Variants in NECTIN2 observed in about 807,000 individuals in gnomAD.
NECTIN2 encodes the protein nectin-2.
Under a neutral mutation model 56.9 loss-of-function variants are expected in NECTIN2, and 23 were observed. The ratio of observed to expected loss-of-function variants is 0.40; its 90% CI spans 0.29 to 0.57. The LOEUF (loss-of-function observed/expected upper bound fraction) is 0.57, where lower values mean the gene tolerates loss of function less well. Among genes scored for constraint, NECTIN2 ranks in the 20% least tolerant of loss-of-function variants. The pLI, the probability that NECTIN2 is intolerant of heterozygous loss-of-function variation, is 0.38. For synonymous variants in NECTIN2, 302 were observed against 313.8 expected, an observed-to-expected ratio of 0.96 and a Z score of 0.40; for missense variants, 587 against 718.3, an observed-to-expected ratio of 0.82 and a Z score of 2.09.
intron 6 of NECTIN2, among the ~76,000 whole-genome samples, chr19:44,882,796 T>G (rs974474388): frequency 5.9e-5 from 9 of 151,326 alleles, no homozygotes; most frequent in African/African-American, 1.9e-4. Flanking sequence ...TTTTTTTTTT[T>G]TTTGTGACGG....
At chr19:44,846,860 C>T (rs2122615589) in intron 1 of NECTIN2, among the ~76,000 whole-genome samples, 1 of 152,038 alleles carries the variant, frequency 6.6e-6, no homozygotes, top group East Asian at 1.9e-4. Flanking sequence ...ATTGCCCATC[C>T]TACGCCTGCT....
rs1416176215 is a variant in NECTIN2 at position 44,888,544 on chromosome 19, G to C, written c.*165G>C. ...CTCCACTATGACCCCTAACCCATGA[G>C]CCCAGAGAAATTCACCGTGATAATG... is the stretch of plus-strand genomic sequence containing the variant. On this transcript the variant is annotated 3_prime_UTR_variant, in exon 9 of 9. Transcript: ENST00000252483. The C allele has an allele frequency of 1.4e-6, 1 of 727,190 alleles. No individual in the cohort carries two copies. The highest frequency in any genetic ancestry group is 2.2e-6 in the Non-Finnish European group (1 of 451,184). The allele number at this position is 727,190 out of a possible 1,614,324, so 45.0% of individuals were successfully genotyped here.
rs780125442 is a variant in NECTIN2, at chr19:44,875,914, C to A, written c.1042+1436C>A. 2.0e-5 allele frequency among the ~76,000 whole-genome samples: 3 copies of A among 152,142 alleles called. No homozygotes were observed. The highest frequency in any genetic ancestry group is 2.9e-5 in the Non-Finnish European group (2 of 68,038). ...TGTCCCGCTCTGGGCTCGCCTGGCGCGTGAGGATGCACATAAGTCCCCGGA... is the reference window on the plus strand; with the variant it reads ...TGTCCCGCTCTGGGCTCGCCTGGCGAGTGAGGATGCACATAAGTCCCCGGA... On this transcript the variant is annotated intron_variant, in intron 5 of 8. Transcript: ENST00000252483. The surrounding 1 kb of genome is among the most constrained non-coding windows in gnomAD (Gnocchi z 4.2).
intron 7 of NECTIN2, 30 bp downstream of exon 7, chr19:44,886,030 C>T: frequency 1.9e-6 from 3 of 1,583,208 alleles, no homozygotes; most frequent in South Asian, 2.2e-5. Flanking sequence ...CCCAAGCTAT[C>T]CCCACCTCCA....
intron 6 of NECTIN2, among the ~76,000 whole-genome samples, chr19:44,883,538 G>A (rs566906530): frequency 2.0e-5 from 3 of 152,198 alleles, no homozygotes; most frequent in Admixed American, 6.5e-5. Context: ...GCCTCCCAAA[G>A]TGCTAAGATC....
At position 44,865,189 on chromosome 19, in the gene NECTIN2, G is replaced by T; in HGVS notation, c.89-82G>T. 7.0e-7 allele frequency: 1 copy of T among 1,430,364 alleles called. No homozygotes were observed. The highest frequency in any genetic ancestry group is 9.4e-7 in the Non-Finnish European group (1 of 1,059,670). 88.6% of individuals were successfully genotyped at this position (1,430,364 alleles called of 1,614,324 possible). On this transcript the variant is annotated intron_variant, in intron 1 of 8. Coordinates refer to ENST00000252483, the MANE Select transcript of NECTIN2 (RefSeq NM_001042724.2). The surrounding 1 kb of genome is among the most constrained non-coding windows in gnomAD (Gnocchi z 5.2). ...ATGCGGAGCCTGCATTTCCCGTGGG[G>T]CCCCCTTCGTGGTGGCCCTGCCTGG...
rs73556120 is a variant in NECTIN2, at chr19:44,875,100, C to T, written c.1042+622C>T. Among the ~76,000 whole-genome samples the T allele has an allele frequency of 0.013, 1,937 of 152,254 alleles. 41 individuals carry two copies. Among genetic ancestry groups the T allele is most frequent in the African/African-American group, 0.044 (1,809 of 41,532 alleles). On this transcript the variant is annotated intron_variant, in intron 5 of 8. Coordinates refer to ENST00000252483, the MANE Select transcript of NECTIN2 (RefSeq NM_001042724.2). This position sits in a 1 kb window ranked among gnomAD's most constrained non-coding sequence, Gnocchi z 4.2. Reference sequence around the variant, plus strand: ...GGCAGGATCCACAGCCACAGACACTCCCTGTGCTGAGAAATTCTGTTGCAG... The same window carrying T: ...GGCAGGATCCACAGCCACAGACACTTCCTGTGCTGAGAAATTCTGTTGCAG...
In NECTIN2 at chr19:44,873,955, GGTACCTCGGCC is replaced by G; in HGVS notation, c.820_830del (p.Leu274Ter). On this transcript the variant is annotated frameshift_variant, in exon 4 of 9. Coordinates refer to ENST00000252483, the MANE Select transcript of NECTIN2 (RefSeq NM_001042724.2). LOFTEE classifies it high-confidence loss of function. ...TCCATCTCCGGCTATGATGACAACT[GGTACCTCGGCC>G]GTACTGATGCCACCCTGAGCTGTGA... The G allele has an allele frequency of 6.2e-7, 1 of 1,614,106 alleles. No homozygotes were observed. The highest frequency in any genetic ancestry group is 8.5e-7 in the Non-Finnish European group (1 of 1,180,006).
At chr19:44,887,065 T>C (rs1969369350) in intron 8 of NECTIN2, among the ~76,000 whole-genome samples, 2 of 150,436 alleles carry the variant, frequency 1.3e-5, no homozygotes. Flanking sequence ...AAATTGATTA[T>C]CTGGTCAGGC....
chr19:44,880,612 T>G (rs1211189061), intron 5 of NECTIN2, among the ~76,000 whole-genome samples: 1 of 148,840 alleles, frequency 6.7e-6, no homozygotes, highest in Non-Finnish European at 1.5e-5. Context: ...CTCAGCCTCT[T>G]GAGTAACGCA....
intron 1 of NECTIN2, among the ~76,000 whole-genome samples, chr19:44,855,404 G>A (rs1195701098): frequency 4.0e-5 from 6 of 151,858 alleles, no homozygotes; most frequent in Admixed American, 6.6e-5. Flanking sequence ...CAGCCTGGGC[G>A]AAAGAGTGAG....
Position 44,865,717 on chromosome 19 carries a change from C to G in NECTIN2, c.478+57C>G. The G allele has an allele frequency of 3.5e-6, 5 of 1,445,910 alleles. No homozygotes were observed. Among genetic ancestry groups the G allele is most frequent in the Non-Finnish European group, 4.6e-6 (5 of 1,097,074 alleles). The allele number at this position is 1,445,910 out of a possible 1,614,324, so 89.6% of individuals were successfully genotyped here. On this transcript the variant is annotated intron_variant, in intron 2 of 8. Transcript: ENST00000252483. The surrounding 1 kb of genome is among the most constrained non-coding windows in gnomAD (Gnocchi z 5.2). ...TGGGAGGGCCGCGGTGTGGGAGCATCCCCTTGCGGGTCAGTTTCTCTCTTG... is the reference window on the plus strand; with the variant it reads ...TGGGAGGGCCGCGGTGTGGGAGCATGCCCTTGCGGGTCAGTTTCTCTCTTG...
chr19:44,878,250 TG>T, intron 5 of NECTIN2: 1 of 844,318 alleles, frequency 1.2e-6, no homozygotes, highest in Non-Finnish European at 1.9e-6. Context: ...CCCCGAGATG[TG>T]GGCCCGCTGG....
intron 5 of NECTIN2, among the ~76,000 whole-genome samples, chr19:44,879,412 G>A (rs1969283409): frequency 6.6e-6 from 1 of 152,054 alleles, no homozygotes; most frequent in Non-Finnish European, 1.5e-5. Flanking sequence ...GGTTGCTGGG[G>A]GTCTCGGGAG....
intron 6 of NECTIN2, among the ~76,000 whole-genome samples, chr19:44,883,649 C>A (rs979333251): frequency 1.3e-5 from 2 of 152,020 alleles, no homozygotes; most frequent in African/African-American, 4.8e-5. Context: ...AAGTGAGACA[C>A]CATCTCTAAA....
rs368726989 is a variant in NECTIN2 at position 44,885,944 on chromosome 19, G to A, written c.1204G>A (p.Gly402Arg). 70 of 1,585,386 alleles carry A rather than the reference G, an allele frequency of 4.4e-5. No homozygotes were observed. The highest frequency in any genetic ancestry group is 1.7e-4 in the Middle Eastern group (1 of 6,032). The change falls in exon 7 of 9, where the codon GGA becomes AGA. Residue 402 changes from glycine to arginine, a missense_variant. Gly to Arg is a moderately radical substitution (Grantham distance 125). Transcript: ENST00000252483. ...QGAEEDEDLE[G>R]PPSYKPPTPK... ...CTACCTCCTACCCCACAGCCTGGAGGGACCTCCCTCCTACAAGCCACCGAC... is the reference window on the plus strand; with the variant it reads ...CTACCTCCTACCCCACAGCCTGGAGAGACCTCCCTCCTACAAGCCACCGAC...
intron 1 of NECTIN2, among the ~76,000 whole-genome samples, chr19:44,851,421 C>A (rs1968898440): frequency 6.6e-6 from 1 of 152,048 alleles, no homozygotes; most frequent in Non-Finnish European, 1.5e-5. Flanking sequence ...AATCCAGGCC[C>A]CCAGCCCCCT....
rs369077933 is a variant in NECTIN2, at chr19:44,882,164, T to C, written c.1043-47T>C. 1.3e-3 allele frequency: 1,787 copies of C among 1,369,716 alleles called. 1 individual carries two copies. The highest frequency in any genetic ancestry group is 1.6e-3 in the Non-Finnish European group (1,680 of 1,049,150). The allele number at this position is 1,369,716 out of a possible 1,614,324, so 84.8% of individuals were successfully genotyped here. ...GGGATGGTCGCTTGGAATAAGGAGC[T>C]GTGGCTTCCTCCTGGAGACCCCCTC... On this transcript the variant is annotated intron_variant, in intron 5 of 8. Transcript: ENST00000252483.
intron 1 of NECTIN2, among the ~76,000 whole-genome samples, chr19:44,848,622 C>T (rs866870511): frequency 1.1e-4 from 16 of 151,804 alleles, no homozygotes; most frequent in African/African-American, 3.6e-4. Flanking sequence ...CAATCCTTCG[C>T]CTCTGCTGTC....
Sources: gnomAD v4.1 joint callset for allele counts (sites outside exome capture counted in the v4.1 genomes callset) on GRCh38, gnomAD v4.1.1 for gene constraint, Gnocchi (gnomAD v3.1) non-coding constraint, MANE v1.5 for transcripts, NCBI Gene and HGNC (gene_info 2026-07-23, HGNC 2026-07-21) for gene names.